Variants in MON2 observed in about 807,000 individuals in gnomAD.
The protein encoded by MON2 is MON2 regulator of endosome-to-Golgi trafficking.
A neutral mutation model predicts 208.6 loss-of-function variants in MON2; 84 were observed. The observed-to-expected ratio is 0.40, with a 90% CI of 0.34 to 0.48. The LOEUF (loss-of-function observed/expected upper bound fraction) is 0.48. MON2 is among the 20% of genes least tolerant of loss of function. The probability of loss-of-function intolerance (pLI) is 0.59; values close to 1 mark genes in which losing one functional copy is unlikely to be tolerated. For missense variants in MON2, 1,611 were observed against 2,015.4 expected (o/e 0.80, Z 3.84); for synonymous variants, 660 against 694.0 (o/e 0.95, Z 0.77).
intron 2 of MON2, among the ~76,000 whole-genome samples, chr12:62,492,272 T>C (rs1303448293): frequency 1.3e-5 from 2 of 152,274 alleles, no homozygotes; most frequent in South Asian, 4.1e-4. Flanking sequence ...AATTACTTTG[T>C]GTCAATTTCT....
At chr12:62,559,360 G>T (rs1488834663) in intron 25 of MON2, among the ~76,000 whole-genome samples, 1 of 152,182 alleles carries the variant, frequency 6.6e-6, no homozygotes, top group African/African-American at 2.4e-5. Context: ...CTTGTTTGCT[G>T]TAGGGAAAAG....
intron 4 of MON2, among the ~76,000 whole-genome samples, chr12:62,496,443 T>C (rs1465420750): frequency 6.6e-6 from 1 of 152,210 alleles, no homozygotes; most frequent in East Asian, 1.9e-4. Flanking sequence ...AAGGCTTCTA[T>C]ATAACTATGT....
At chr12:62,522,830 T>A (rs1425484332) in intron 8 of MON2, among the ~76,000 whole-genome samples, 1 of 152,174 alleles carries the variant, frequency 6.6e-6, no homozygotes, top group Non-Finnish European at 1.5e-5. Context: ...GAGAACAAGG[T>A]TCTAGACTTC....
chr12:62,504,799 A>G (rs2071020716), intron 7 of MON2, among the ~76,000 whole-genome samples: 1 of 152,242 alleles, frequency 6.6e-6, no homozygotes, highest in South Asian at 2.1e-4. Flanking sequence ...GGCACTTACA[A>G]TTCTAATGGG....
In MON2 at chr12:62,574,047, C is replaced by G. The variant is rs546765230; in HGVS notation, c.4514+2465C>G. Among the ~76,000 whole-genome samples, 45 of 152,248 alleles carry G rather than the reference C, an allele frequency of 3.0e-4. No individual in the cohort carries two copies. The East Asian group carries it at 6.7e-3, about 23-fold the overall frequency. Reference sequence around the variant, plus strand: ...CAAATCCCAGTAGTACTACTTTGTACTACTTTTTAGACAAGTTATTAAACC... The same window carrying G: ...CAAATCCCAGTAGTACTACTTTGTAGTACTTTTTAGACAAGTTATTAAACC... On this transcript the variant is annotated intron_variant, in intron 30 of 34. Transcript: ENST00000393630.
At chr12:62,524,761 T>C in intron 9 of MON2, 122 bp downstream of exon 9, 1 of 999,096 alleles carries the variant, frequency 1.0e-6, no homozygotes, top group South Asian at 1.9e-5. Flanking sequence ...ATATTAGTGA[T>C]TTCTAAACAA....
At chr12:62,501,501 G>GATTTATGA in intron 6 of MON2, 72 bp from the exon 7 acceptor site, 1 of 1,544,260 alleles carries the variant, frequency 6.5e-7, no homozygotes, top group Non-Finnish European at 8.8e-7. Context: ...TTTTTTTAAA[G>GATTTATGA]ATTTATGAAC....
intron 12 of MON2, among the ~76,000 whole-genome samples, chr12:62,534,542 A>AATATATAT (rs71882879): frequency 1.0e-3 from 23 of 22,846 alleles, no homozygotes; most frequent in African/African-American, 3.1e-3. Flanking sequence ...AAAAAAAAAA[A>AATATATAT]ATATATATAT....
intron 8 of MON2, among the ~76,000 whole-genome samples, chr12:62,521,245 G>A (rs912505203): frequency 1.3e-5 from 2 of 152,118 alleles, no homozygotes; most frequent in African/African-American, 2.4e-5. Context: ...CTGACCTCAA[G>A]TGATCCACCC....
chr12:62,549,637 G>A, intron 22 of MON2, 31 bp from the exon 23 acceptor site: 1 of 1,534,774 alleles, frequency 6.5e-7, no homozygotes, highest in Non-Finnish European at 8.8e-7. Context: ...AATAAAATAA[G>A]TGCATCTGTA....
intron 1 of MON2, among the ~76,000 whole-genome samples, chr12:62,469,768 A>G (rs897860766): frequency 6.6e-6 from 1 of 152,178 alleles, no homozygotes; most frequent in Non-Finnish European, 1.5e-5. Flanking sequence ...TTGGTTGCCA[A>G]CTAAACTTTA....
At chr12:62,571,250 A>G (rs1315327068) in intron 29 of MON2, 142 bp from the exon 30 acceptor site, 5 of 647,940 alleles carry the variant, frequency 7.7e-6, no homozygotes, top group Admixed American at 3.6e-5. Flanking sequence ...TTTCTGCGAA[A>G]TAACATCCTT....
chr12:62,507,416 A>G (rs938340471), intron 7 of MON2, among the ~76,000 whole-genome samples: 1 of 151,364 alleles, frequency 6.6e-6, no homozygotes, highest in African/African-American at 2.4e-5. Context: ...CCCTGGGCTC[A>G]AGTGATCCTC....
intron 4 of MON2, among the ~76,000 whole-genome samples, chr12:62,497,382 A>G (rs1312935753): frequency 1.3e-5 from 2 of 152,224 alleles, no homozygotes; most frequent in African/African-American, 4.8e-5. Flanking sequence ...CAGACACTTC[A>G]TTAAAATAAT....
At chr12:62,499,073 T>G in intron 5 of MON2, 25 bp downstream of exon 5, 2 of 1,604,940 alleles carry the variant, frequency 1.2e-6, no homozygotes, top group Non-Finnish European at 1.7e-6. Flanking sequence ...GTTGTTTTAC[T>G]TTGTGGGTGG....
Position 62,565,373 on chromosome 12 carries a change from A to G in MON2, c.4169A>G (p.Tyr1390Cys). 6.2e-7 allele frequency: 1 copy of G among 1,604,844 alleles called. No individual in the cohort carries two copies. The highest frequency in any genetic ancestry group is 2.2e-5 in the East Asian group (1 of 44,694). Residue 1390 changes from tyrosine to cysteine, a missense_variant, in exon 27 of 35, where the codon TAT (tyrosine) becomes TGT (cysteine). Coordinates refer to ENST00000393630, the MANE Select transcript of MON2 (RefSeq NM_015026.3). ...LETKHIANAK[Y>C]NQIQLFAPAE... ...ACAAAGCACATTGCAAATGCAAAATATAATCAGGTAATTTACTGTAAATTT... is the reference window on the plus strand; with the variant it reads ...ACAAAGCACATTGCAAATGCAAAATGTAATCAGGTAATTTACTGTAAATTT...
chr12:62,543,997 A>G (rs1174508664), intron 20 of MON2, among the ~76,000 whole-genome samples: 2 of 152,266 alleles, frequency 1.3e-5, no homozygotes, highest in East Asian at 3.9e-4. Context: ...CTGGATTTAC[A>G]TTGTCTTACA....
In MON2 at chr12:62,480,885, G is replaced by T. The variant is rs1238773233; in HGVS notation, c.112-3285G>T. On this transcript the variant is annotated intron_variant, in intron 1 of 34. Transcript: ENST00000393630. The stretch of plus-strand genomic sequence containing the variant: ...CTTTGGACCTATGCAAGGTATATAG[G>T]GCCATAGTGAGAAAGGGGAGAAGTT... 2.0e-5 allele frequency among the ~76,000 whole-genome samples: 3 copies of T among 152,144 alleles called. No homozygotes were observed. The East Asian group carries it at 5.8e-4, about 29-fold the overall frequency.
Position 62,484,124 on chromosome 12 carries a change from C to G in MON2, c.112-46C>G, listed in dbSNP as rs764171455. ...TATGACTTATTTTCCATAGATAATT[C>G]ATTTTGGCAGTAAATTTTGTGTTCT... On this transcript the variant is annotated intron_variant, in intron 1 of 34. Coordinates refer to ENST00000393630, the MANE Select transcript of MON2 (RefSeq NM_015026.3). The G allele has an allele frequency of 7.2e-5, 97 of 1,340,834 alleles. No individual in the cohort carries two copies. In the East Asian group the frequency reaches 2.2e-3, roughly 30 times the overall value. 83.1% of individuals were successfully genotyped at this position (1,340,834 alleles called of 1,614,324 possible).
Sources: allele counts gnomAD v4.1 joint callset (sites outside exome capture counted in the v4.1 genomes callset), GRCh38; gene constraint gnomAD v4.1.1; transcripts MANE v1.5; gene names NCBI Gene and HGNC (gene_info 2026-07-23, HGNC 2026-07-21).